Variants in LRP1 observed in about 807,000 individuals in gnomAD.
The protein encoded by LRP1 is LDL receptor related protein 1, also known as prolow-density lipoprotein receptor-related protein 1.
In LRP1, 51 loss-of-function variants were observed where a neutral mutation model predicts 541.5. The observed-to-expected ratio is 0.09, with a 90% confidence interval of 0.08 to 0.12. The LOEUF is 0.12. Ranked by LOEUF, LRP1 falls within the 10% of genes least tolerant of loss-of-function variation. The probability of loss-of-function intolerance (pLI) is 1.00; values close to 1 mark genes in which losing one functional copy is unlikely to be tolerated. For synonymous variants in LRP1, 2,219 were observed against 2,470.8 expected (o/e 0.90, Z 3.02); for missense variants, 3,878 against 6,376.2 (o/e 0.61, Z 13.34).
rs1296249094 is a variant in LRP1 at position 57,165,993 on chromosome 12, G to T, written c.2671+48G>T. ...CCCTGTTGGATGGCAGGCCTGCAGG[G>T]CAGCTCGGCTCTGGCAGTGCCTATA... On this transcript the variant is annotated intron_variant, in intron 16 of 88. Transcript: ENST00000243077. This position sits in a 1 kb window ranked among gnomAD's most constrained non-coding sequence, Gnocchi z 4.5. 6.2e-7 allele frequency: 1 copy of T among 1,612,364 alleles called. No homozygotes were observed. Among genetic ancestry groups the T allele is most frequent in the Non-Finnish European group, 8.5e-7 (1 of 1,178,632 alleles).
At chr12:57,202,330 C>T in intron 67 of LRP1, 91 bp from the exon 68 acceptor site, 2 of 1,041,740 alleles carry the variant, frequency 1.9e-6, no homozygotes, top group South Asian at 1.3e-5. Flanking sequence ...GATGCCCACC[C>T]TCCCTGCCAG....
At position 57,144,953 on chromosome 12, in the gene LRP1, C is replaced by T. The variant is rs376263804; in HGVS notation, c.449-19C>T. On this transcript the variant is annotated intron_variant, in intron 4 of 88. Transcript: ENST00000243077. ...TTGTCACACTGGAAATGACCACATT[C>T]TTGCCCTTTCCTCGGCAGATTTTGA... 9 of 1,612,282 alleles carry T rather than the reference C, an allele frequency of 5.6e-6. No homozygotes were observed. In the African/African-American group the frequency reaches 1.2e-4, roughly 21 times the overall value.
In LRP1 at chr12:57,185,814, G is replaced by C; in HGVS notation, c.6747G>C (p.Pro2249=). The change falls in exon 41 of 89, where the codon CCG becomes CCC. Residue 2249 remains proline, a synonymous_variant. Transcript: ENST00000243077. This position sits in a 1 kb window ranked among gnomAD's most constrained non-coding sequence, Gnocchi z 4.9. ...TTGACTACCGGGCAGGCACCTCTCC[G>C]GGCACCCCCAATCGCATCTTCTTCA... The part of the protein sequence containing the change: ...LAFDYRAGTS[P]GTPNRIFFSD... 1 of 1,614,136 alleles carries C rather than the reference G, an allele frequency of 6.2e-7. No individual in the cohort carries two copies. Among genetic ancestry groups the C allele is most frequent in the Non-Finnish European group, 8.5e-7 (1 of 1,180,034 alleles).
In LRP1 at chr12:57,199,950, C is replaced by T; in HGVS notation, c.9939C>T (p.His3313=). Residue 3313 remains histidine (H), a synonymous_variant, in exon 62 of 89, where the codon CAC becomes CAT. Transcript: ENST00000243077. ...NLCLLSPGGG[H]KCACPTNFYL... ...GCCTGCTGTCCCCCGGGGGAGGGCACAAATGTGCCTGCCCCACCAACTTCT... is the reference window on the plus strand; with the variant it reads ...GCCTGCTGTCCCCCGGGGGAGGGCATAAATGTGCCTGCCCCACCAACTTCT... 6.3e-7 allele frequency: 1 copy of T among 1,592,530 alleles called. No homozygotes were observed. Among genetic ancestry groups the T allele is most frequent in the Non-Finnish European group, 8.5e-7 (1 of 1,172,878 alleles).
In LRP1 at chr12:57,201,192, T is replaced by C. The variant is rs2036647614; in HGVS notation, c.10345+39T>C. On this transcript the variant is annotated intron_variant, in intron 65 of 88. Coordinates refer to ENST00000243077, the MANE Select transcript of LRP1 (RefSeq NM_002332.3). The surrounding 1 kb of genome is among the most constrained non-coding windows in gnomAD (Gnocchi z 6.4). Reference sequence around the variant, plus strand: ...GTGGTGGTGGGCCGGTGGTGGGAGATGACACGGAAGCAGGGCAGGCAGAAT... The same window carrying C: ...GTGGTGGTGGGCCGGTGGTGGGAGACGACACGGAAGCAGGGCAGGCAGAAT... The C allele has an allele frequency of 5.0e-6, 8 of 1,611,330 alleles. No homozygotes were observed. Among genetic ancestry groups the C allele is most frequent in the South Asian group, 1.1e-5 (1 of 90,920 alleles).
intron 13 of LRP1, among the ~76,000 whole-genome samples, chr12:57,161,969 TAGTGTGTGTGTGTGCGCGCACGCATATG>T (rs1406859805): frequency 5.9e-5 from 9 of 151,802 alleles, no homozygotes; most frequent in African/African-American, 2.2e-4. Flanking sequence ...GTCTGCTCAT[TAGTGTGTGTGTGTGCGCGCACGCATATG>T]AGTGTGTGTG....
In LRP1 at chr12:57,132,465, G is replaced by C. The variant is rs564564977; in HGVS notation, c.67+3434G>C. Among the ~76,000 whole-genome samples, 7 of 152,260 alleles carry C rather than the reference G, an allele frequency of 4.6e-5. No individual in the cohort carries two copies. The South Asian group carries it at 1.5e-3, about 32-fold the overall frequency. On this transcript the variant is annotated intron_variant, in intron 1 of 88. Coordinates refer to ENST00000243077, the MANE Select transcript of LRP1 (RefSeq NM_002332.3). ...CTTGAGTCAGGCACTGCCTAGGGCC[G>C]AGACTCTGTCTCTCCAAGATAGGAC...
rs2136673036 is a variant in LRP1, at chr12:57,153,193, T to C, written c.842-1015T>C. ...AGTTTGCAAGAGGCACCATCTCTGA[T>C]GGTGGTAGTTGAAGGGGGTAGTGAG... On this transcript the variant is annotated intron_variant, in intron 6 of 88. Transcript: ENST00000243077. Among the ~76,000 whole-genome samples the C allele has an allele frequency of 2.0e-5, 3 of 152,210 alleles. 1 individual carries two copies. The South Asian group carries it at 6.2e-4, about 32-fold the overall frequency.
At position 57,185,136 on chromosome 12, in the gene LRP1, G is replaced by A. The variant is rs778009174; in HGVS notation, c.6394G>A (p.Val2132Met). Residue 2132 changes from valine to methionine, a missense_variant, in exon 40 of 89, where the codon GTG (valine) becomes ATG (methionine). By Grantham distance (21) the Val-to-Met change is conservative. This residue lies in a region of LRP1 where 1,100 missense variants were observed against 1,827.4 expected (regional missense o/e 0.60). Transcript: ENST00000243077. This position sits in a 1 kb window ranked among gnomAD's most constrained non-coding sequence, Gnocchi z 4.9. ...RGSKDNATDS[V>M]PLRTGIGVQL... ...GAGCAAAGACAATGCCACAGACTCC[G>A]TGCCCCTGCGAACCGGCATCGGCGT... 20 of 1,613,986 alleles carry A rather than the reference G, an allele frequency of 1.2e-5. No homozygotes were observed. The highest frequency in any genetic ancestry group is 1.4e-5 in the Non-Finnish European group (17 of 1,180,028).
In LRP1 at chr12:57,201,989, C is replaced by T. The variant is rs771523362; in HGVS notation, c.10594+84C>T. 62 of 1,562,126 alleles carry T rather than the reference C, an allele frequency of 4.0e-5. No individual in the cohort carries two copies. Among genetic ancestry groups the T allele is most frequent in the Non-Finnish European group, 4.3e-5 (49 of 1,140,774 alleles). On this transcript the variant is annotated intron_variant, in intron 67 of 88. Coordinates refer to ENST00000243077, the MANE Select transcript of LRP1 (RefSeq NM_002332.3). This position sits in a 1 kb window ranked among gnomAD's most constrained non-coding sequence, Gnocchi z 6.4. ...CCCTGGCAGGTGGAGGGCTGGGGGCCGCCTGCTTACCGGTCTCAGCGTGGC... is the reference window on the plus strand; with the variant it reads ...CCCTGGCAGGTGGAGGGCTGGGGGCTGCCTGCTTACCGGTCTCAGCGTGGC...
chr12:57,187,455 A>C lies in LRP1; in HGVS notation c.7030A>C (p.Asn2344His), dbSNP rs2036292561. The C allele has an allele frequency of 1.9e-6, 3 of 1,611,908 alleles. No individual in the cohort carries two copies. The highest frequency in any genetic ancestry group is 2.7e-5 in the African/African-American group (2 of 74,896). Reference protein sequence around the residue: ...PRAFVLDECQNLMFWTNWNEQ... With the variant: ...PRAFVLDECQHLMFWTNWNEQ... ...GGCCTTCGTTTTGGACGAGTGCCAGAAGTGAGCTGCTGCCTGGGGATGGGG... is the reference window on the plus strand; with the variant it reads ...GGCCTTCGTTTTGGACGAGTGCCAGCAGTGAGCTGCTGCCTGGGGATGGGG... The change falls in exon 42 of 89, where the codon AAC (asparagine) becomes CAC (histidine). Residue 2344 changes from asparagine (N) to histidine (H), a missense_variant and splice_region_variant. Around this residue, in one of 13 missense-constraint regions of LRP1, gnomAD observed 1,100 missense variants for 1,827.4 expected, o/e 0.60. Coordinates refer to ENST00000243077, the MANE Select transcript of LRP1 (RefSeq NM_002332.3).
At chr12:57,176,531 G>T (rs2136699597) in intron 24 of LRP1, among the ~76,000 whole-genome samples, 1 of 152,306 alleles carries the variant, frequency 6.6e-6, no homozygotes, top group Non-Finnish European at 1.5e-5. Flanking sequence ...AAAACAGGCT[G>T]TTTTCAGTTG....
At chr12:57,193,769 G>A (rs1054933428) in intron 47 of LRP1, 84 bp downstream of exon 47, 68 of 1,609,104 alleles carry the variant, frequency 4.2e-5, no homozygotes, top group Middle Eastern at 1.8e-4. Context: ...CCTGGGCCCC[G>A]TGGTGTCTGG....
intron 42 of LRP1, among the ~76,000 whole-genome samples, chr12:57,188,020 G>A (rs937732609): frequency 6.6e-6 from 1 of 152,228 alleles, no homozygotes; most frequent in Admixed American, 6.5e-5. Context: ...CCTGAAGAAA[G>A]GCAAATTCAA....
chr12:57,130,904 AG>A (rs2136645750), intron 1 of LRP1, among the ~76,000 whole-genome samples: 2 of 152,212 alleles, frequency 1.3e-5, no homozygotes, highest in East Asian at 3.9e-4. Flanking sequence ...GCCCCAGGAG[AG>A]GACCCCTCCC....
chr12:57,196,111 A>C lies in LRP1; in HGVS notation c.8726A>C (p.Gln2909Pro), dbSNP rs1229471613. The change falls in exon 55 of 89, where the codon CAG (glutamine) becomes CCG (proline). Residue 2909 changes from glutamine to proline, a missense_variant. Physicochemically the swap from Gln to Pro is moderately conservative, Grantham distance 76. Coordinates refer to ENST00000243077, the MANE Select transcript of LRP1 (RefSeq NM_002332.3). ...SQEHKCNASS[Q>P]FLCSSGRCVA... The stretch of plus-strand genomic sequence containing the variant: ...GAGCACAAGTGCAATGCCTCGTCAC[A>C]GTTCCTGTGCAGCAGTGGGCGCTGT... 5.6e-6 allele frequency: 9 copies of C among 1,606,248 alleles called. No individual in the cohort carries two copies. Among genetic ancestry groups the C allele is most frequent in the Non-Finnish European group, 6.8e-6 (8 of 1,174,016 alleles).
In LRP1 at chr12:57,177,053, T is replaced by A. The variant is rs1026001939; in HGVS notation, c.4004T>A (p.Phe1335Tyr). ...KLLDNGALTS[F>Y]EVVIQYGLAT... ...CTCTCTTCTCCAGCCCTGACTAGTT[T>A]CGAGGTGGTGATTCAGTATGGCCTG... The change falls in exon 25 of 89, where the codon TTC becomes TAC. Residue 1335 changes from phenylalanine (F) to tyrosine (Y), a missense_variant. By Grantham distance (22) the Phe-to-Tyr change is conservative. Around this residue, in one of 13 missense-constraint regions of LRP1, gnomAD observed 320 missense variants for 547.9 expected, o/e 0.58. Transcript: ENST00000243077. The surrounding 1 kb of genome is among the most constrained non-coding windows in gnomAD (Gnocchi z 6.8). The A allele has an allele frequency of 3.1e-6, 5 of 1,614,034 alleles. No homozygotes were observed. The African/African-American group carries it at 6.7e-5, about 22-fold the overall frequency.
At position 57,197,639 on chromosome 12, in the gene LRP1, T is replaced by C. The variant is rs764819006; in HGVS notation, c.9257T>C (p.Met3086Thr). Residue 3086 changes from methionine to threonine, a missense_variant, in exon 58 of 89, where the codon ATG (methionine) becomes ACG (threonine). Coordinates refer to ENST00000243077, the MANE Select transcript of LRP1 (RefSeq NM_002332.3). This position sits in a 1 kb window ranked among gnomAD's most constrained non-coding sequence, Gnocchi z 4.5. ...VTTQGSMIRR[M>T]HLNGSNVQVL... ...ACCCAGGGCAGCATGATCCGAAGGATGCACCTTAACGGGAGCAATGTGCAG... is the reference window on the plus strand; with the variant it reads ...ACCCAGGGCAGCATGATCCGAAGGACGCACCTTAACGGGAGCAATGTGCAG... 2 of 1,614,016 alleles carry C rather than the reference T, an allele frequency of 1.2e-6. No individual in the cohort carries two copies. Among genetic ancestry groups the C allele is most frequent in the African/African-American group, 1.3e-5 (1 of 75,010 alleles).
Position 57,175,541 on chromosome 12 carries a change from T to G in LRP1, c.3629T>G (p.Leu1210Arg). Reference protein sequence around the residue: ...PGEGIVCSCPLGMELGPDNHT... With the variant: ...PGEGIVCSCPRGMELGPDNHT... ...GAAGGCATTGTGTGTTCCTGCCCTC[T>G]GGGCATGGAGCTGGGGCCCGACAAC... The change falls in exon 23 of 89, where the codon CTG becomes CGG. Residue 1210 changes from leucine (L) to arginine (R), a missense_variant. Physicochemically the swap from Leu to Arg is moderately radical, Grantham distance 102 (BLOSUM62 -2). Coordinates refer to ENST00000243077, the MANE Select transcript of LRP1 (RefSeq NM_002332.3). The G allele has an allele frequency of 6.2e-7, 1 of 1,614,088 alleles. No individual in the cohort carries two copies. The highest frequency in any genetic ancestry group is 8.5e-7 in the Non-Finnish European group (1 of 1,179,998).
Sources: allele counts gnomAD v4.1 joint callset (sites outside exome capture counted in the v4.1 genomes callset), GRCh38; gene constraint gnomAD v4.1.1; regional missense constraint gnomAD v4.1.1; non-coding constraint Gnocchi (gnomAD v3.1); transcripts MANE v1.5; gene names NCBI Gene and HGNC (gene_info 2026-07-23, HGNC 2026-07-21).